MLIP: variants seen among roughly 807,000 people sequenced by gnomAD.
MLIP encodes muscular LMNA interacting protein.
In MLIP, 79 loss-of-function variants were observed where a neutral mutation model predicts 84.8. That is an observed-to-expected ratio of 0.93 (90% CI 0.78 to 1.12). The LOEUF (loss-of-function observed/expected upper bound fraction) is 1.12, where lower values mean the gene tolerates loss of function less well. MLIP is among the 50% of genes most tolerant of loss of function. The probability of loss-of-function intolerance (pLI) is 0.00; values close to 1 mark genes in which losing one functional copy is unlikely to be tolerated. For synonymous variants in MLIP, 504 were observed against 463.0 expected (o/e 1.09, Z -1.14); for missense variants, 1,257 against 1,160.6 (o/e 1.08, Z -1.21).
chr6:54,184,415 G>A (rs1000711634), intron 9 of MLIP, among the ~76,000 whole-genome samples: 3 of 152,164 alleles, frequency 2.0e-5, no homozygotes, highest in African/African-American at 7.2e-5. Flanking sequence ...CCAAGATGGT[G>A]TCTGTTAGAG....
chr6:54,196,527 A>G (rs1409400281), intron 10 of MLIP, among the ~76,000 whole-genome samples: 1 of 151,954 alleles, frequency 6.6e-6, no homozygotes, highest in Non-Finnish European at 1.5e-5. Context: ...ATTCCTTTTT[A>G]TGGCTTCATA....
chr6:54,239,513 G>A (rs1307403532), intron 12 of MLIP, among the ~76,000 whole-genome samples: 2 of 151,204 alleles, frequency 1.3e-5, no homozygotes, highest in Admixed American at 6.6e-5. Context: ...GCTCATGCCT[G>A]TAATCCTAGC....
chr6:54,033,148 GAT>G (rs1434602937), intron 1 of MLIP, among the ~76,000 whole-genome samples: 1 of 152,078 alleles, frequency 6.6e-6, no homozygotes, highest in Non-Finnish European at 1.5e-5. Context: ...TGATGATCAT[GAT>G]ATAGATAATA....
chr6:54,151,401 G>A (rs1482381516), intron 5 of MLIP, among the ~76,000 whole-genome samples: 2 of 152,032 alleles, frequency 1.3e-5, no homozygotes, highest in Non-Finnish European at 2.9e-5. Context: ...ATACTCATCT[G>A]TTTATACAAT....
At chr6:54,165,505 A>G (rs1775086956) in intron 8 of MLIP, among the ~76,000 whole-genome samples, 1 of 151,878 alleles carries the variant, frequency 6.6e-6, no homozygotes, top group Admixed American at 6.6e-5. Context: ...CACCCCATTG[A>G]TCTCCTTATC....
intron 1 of MLIP, among the ~76,000 whole-genome samples, chr6:54,049,469 A>T (rs1765257127): frequency 6.6e-6 from 1 of 152,178 alleles, no homozygotes; most frequent in Admixed American, 6.6e-5. Flanking sequence ...CAAATGCTAG[A>T]TTGATGCTGA....
At chr6:54,103,356 A>G (rs1768789835) in intron 1 of MLIP, among the ~76,000 whole-genome samples, 1 of 152,146 alleles carries the variant, frequency 6.6e-6, no homozygotes, top group Non-Finnish European at 1.5e-5. Flanking sequence ...TTTGCTCAAT[A>G]TGGTTCTATC....
intron 3 of MLIP, among the ~76,000 whole-genome samples, chr6:54,131,515 A>G (rs941440356): frequency 3.9e-5 from 6 of 152,074 alleles, no homozygotes; most frequent in African/African-American, 9.7e-5. Context: ...GTCATATTCT[A>G]TCAGTTAGAA....
chr6:54,041,665 C>T (rs918642613), intron 1 of MLIP, among the ~76,000 whole-genome samples: 39 of 152,084 alleles, frequency 2.6e-4, no homozygotes, highest in African/African-American at 9.4e-4. Flanking sequence ...ACTTGCATCC[C>T]TCGTGGCCAA....
chr6:54,021,803 A>G (rs1030982852), intron 1 of MLIP, among the ~76,000 whole-genome samples: 3 of 152,364 alleles, frequency 2.0e-5, no homozygotes, highest in South Asian at 2.1e-4. Context: ...AAATCTACCA[A>G]TGCCAAGTGA....
intron 12 of MLIP, among the ~76,000 whole-genome samples, chr6:54,242,433 G>A (rs1380764702): frequency 6.6e-6 from 1 of 152,118 alleles, no homozygotes; most frequent in East Asian, 1.9e-4. Context: ...TTGTAAATCT[G>A]CAGAAATCCA....
At chr6:54,213,398 G>A (rs1779598863) in intron 11 of MLIP, among the ~76,000 whole-genome samples, 1 of 152,066 alleles carries the variant, frequency 6.6e-6, no homozygotes, top group Non-Finnish European at 1.5e-5. Flanking sequence ...AGGTTGTAAT[G>A]CTATAATAAA....
intron 1 of MLIP, among the ~76,000 whole-genome samples, chr6:54,054,926 C>T (rs1561896397): frequency 2.0e-5 from 3 of 150,686 alleles, no homozygotes; most frequent in African/African-American, 4.9e-5. Context: ...CTCGCTCTGT[C>T]GCCCAGGCTG....
intron 9 of MLIP, among the ~76,000 whole-genome samples, chr6:54,187,796 A>T (rs954501746): frequency 6.6e-6 from 1 of 152,162 alleles, no homozygotes; most frequent in Admixed American, 6.5e-5. Context: ...CAAAGTGTAT[A>T]TACCAAGACC....
chr6:54,208,127 C>CA (rs1050110726), intron 11 of MLIP, among the ~76,000 whole-genome samples: 7 of 151,164 alleles, frequency 4.6e-5, no homozygotes, highest in Non-Finnish European at 1.0e-4. Context: ...GACTCCATCT[C>CA]AAAAAAAATA....
At chr6:54,261,499 A>T in intron 13 of MLIP, 1 of 825,910 alleles carries the variant, frequency 1.2e-6, no homozygotes, top group Non-Finnish European at 1.5e-6. Flanking sequence ...GTGTTTTCTT[A>T]TTCCTTCTCT....
At chr6:54,138,526 T>G (rs1028878180) in intron 4 of MLIP, among the ~76,000 whole-genome samples, 1 of 152,224 alleles carries the variant, frequency 6.6e-6, no homozygotes, top group South Asian at 2.1e-4. Flanking sequence ...TCTTCCTAAC[T>G]TCTTATATCT....
intron 10 of MLIP, among the ~76,000 whole-genome samples, chr6:54,194,418 A>G (rs539555609): frequency 6.6e-6 from 1 of 152,234 alleles, no homozygotes; most frequent in South Asian, 2.1e-4. Flanking sequence ...TTATTTAACC[A>G]TTGAAATATT....
intron 3 of MLIP, among the ~76,000 whole-genome samples, chr6:54,134,100 G>A (rs1039719312): frequency 6.6e-5 from 10 of 151,954 alleles, no homozygotes; most frequent in Admixed American, 3.3e-4. Flanking sequence ...AAGAAGAGAT[G>A]GAAATAATTT....
Sources: allele counts gnomAD v4.1 joint callset (sites outside exome capture counted in the v4.1 genomes callset), GRCh38; gene constraint gnomAD v4.1.1; transcripts MANE v1.5; gene names NCBI Gene and HGNC (gene_info 2026-07-23, HGNC 2026-07-21).